SYT1: variants seen among roughly 807,000 people sequenced by gnomAD.
SYT1 encodes synaptotagmin 1, also known as synaptotagmin-1.
Under a neutral mutation model 44.8 loss-of-function variants are expected in SYT1, and 8 were observed. The ratio of observed to expected loss-of-function variants is 0.18; its 90% CI spans 0.10 to 0.32. The LOEUF is 0.32. Among genes scored for constraint, SYT1 ranks in the 10% least tolerant of loss-of-function variants. The pLI is 1.00. For synonymous variants in SYT1, 154 were observed against 188.8 expected, an observed-to-expected ratio of 0.82 and a Z score of 1.51; for missense variants, 286 against 509.3, an observed-to-expected ratio of 0.56 and a Z score of 4.22.
At chr12:79,071,753 T>C (rs61929020) in intron 3 of SYT1, among the ~76,000 whole-genome samples, 3,293 of 152,272 alleles carry the variant, frequency 0.022, 54 homozygotes, top group South Asian at 0.045. Context: ...CATGGCTGTC[T>C]TCCCTCATTG....
chr12:78,949,642 A>C (rs1487723597), intron 1 of SYT1, among the ~76,000 whole-genome samples: 1 of 152,002 alleles, frequency 6.6e-6, no homozygotes, highest in East Asian at 1.9e-4. Context: ...GCAGACATAA[A>C]ACTTCCCCTA....
At chr12:79,320,624 A>AATTTATCT (rs1456420727) in intron 8 of SYT1, among the ~76,000 whole-genome samples, 2 of 148,302 alleles carry the variant, frequency 1.3e-5, no homozygotes, top group East Asian at 3.9e-4. Flanking sequence ...TCTCTCGGGT[A>AATTTATCT]ATTTATCTTT....
rs1879732518 is a variant in SYT1, at chr12:79,293,414, A to AAT, written c.474+1285_474+1286insTA. On this transcript the variant is annotated intron_variant, in intron 6 of 10. Coordinates refer to ENST00000261205, the MANE Select transcript of SYT1 (RefSeq NM_005639.3). ...ATAAAATAAAATAAAATAAAATTAA[A>AAT]AAATCTGTAAGACATAGCCCTTCTC... is the stretch of plus-strand genomic sequence containing the variant. Among the ~76,000 whole-genome samples, 3 of 149,288 alleles carry AAT rather than the reference A, an allele frequency of 2.0e-5. 1 individual carries two copies. Among genetic ancestry groups the AAT allele is most frequent in the African/African-American group, 7.4e-5 (3 of 40,734 alleles).
intron 3 of SYT1, among the ~76,000 whole-genome samples, chr12:79,065,985 A>G (rs1875819122): frequency 6.6e-6 from 1 of 152,186 alleles, no homozygotes; most frequent in South Asian, 2.1e-4. Flanking sequence ...AAGATGGGAA[A>G]AAGATATAAA....
chr12:79,415,197 C>T (rs1435284711), intron 9 of SYT1, among the ~76,000 whole-genome samples: 1 of 152,122 alleles, frequency 6.6e-6, no homozygotes, highest in Non-Finnish European at 1.5e-5. Flanking sequence ...CTCCCCTGCC[C>T]TACCCAGTCC....
intron 1 of SYT1, among the ~76,000 whole-genome samples, chr12:78,918,933 T>A (rs1372162281): frequency 6.6e-6 from 1 of 152,096 alleles, no homozygotes; most frequent in African/African-American, 2.4e-5. Context: ...ACCTCATTTT[T>A]AAATTCTTAA....
At chr12:79,394,709 C>T (rs1427812637) in intron 9 of SYT1, among the ~76,000 whole-genome samples, 7 of 151,936 alleles carry the variant, frequency 4.6e-5, no homozygotes, top group African/African-American at 1.2e-4. Context: ...AATATAATAC[C>T]TAACTAGAAT....
At chr12:79,164,802 AGAAATGGCAAATGAACAAAGG>A (rs1871143171) in intron 3 of SYT1, among the ~76,000 whole-genome samples, 1 of 152,088 alleles carries the variant, frequency 6.6e-6, no homozygotes, top group Non-Finnish European at 1.5e-5. Context: ...TTAATAAATA[AGAAATGGCAAATGAACAAAGG>A]GAAATGGTGA....
intron 2 of SYT1, among the ~76,000 whole-genome samples, chr12:79,000,288 CTTTT>C (rs559894598): frequency 1.8e-5 from 2 of 112,922 alleles, no homozygotes; most frequent in Non-Finnish European, 3.6e-5. Flanking sequence ...TTAACTGCTT[CTTTT>C]TTTTTTTTTT....
At chr12:78,881,841 G>T (rs1874473861) in intron 1 of SYT1, among the ~76,000 whole-genome samples, 1 of 151,610 alleles carries the variant, frequency 6.6e-6, no homozygotes, top group Non-Finnish European at 1.5e-5. Flanking sequence ...GCTCATCTTT[G>T]ACAAGAGAAA....
chr12:79,376,695 G>T (rs995320471), intron 9 of SYT1, among the ~76,000 whole-genome samples: 2 of 152,094 alleles, frequency 1.3e-5, no homozygotes, highest in African/African-American at 4.8e-5. Context: ...ACATAAATGG[G>T]CAATTTTCTA....
At chr12:79,104,190 G>C (rs1211019493) in intron 3 of SYT1, among the ~76,000 whole-genome samples, 1 of 150,622 alleles carries the variant, frequency 6.6e-6, no homozygotes. Context: ...TACTCTATCA[G>C]ACAACACTCA....
chr12:79,132,800 A>G (rs1301173300), intron 3 of SYT1, among the ~76,000 whole-genome samples: 3 of 152,068 alleles, frequency 2.0e-5, no homozygotes, highest in African/African-American at 7.2e-5. Flanking sequence ...CTGGATTCCC[A>G]TATTTATTGC....
chr12:79,070,680 T>G (rs1876208514), intron 3 of SYT1, among the ~76,000 whole-genome samples: 2 of 152,056 alleles, frequency 1.3e-5, no homozygotes, highest in African/African-American at 4.8e-5. Context: ...CTGGGTACAC[T>G]TGAACATAAA....
At chr12:79,199,778 G>A (rs1293585505) in intron 3 of SYT1, among the ~76,000 whole-genome samples, 1 of 152,030 alleles carries the variant, frequency 6.6e-6, no homozygotes, top group Admixed American at 6.6e-5. Context: ...GGTAGGGATT[G>A]AGACATTGTG....
At chr12:79,237,278 GA>G (rs1876247114) in intron 4 of SYT1, among the ~76,000 whole-genome samples, 1 of 152,196 alleles carries the variant, frequency 6.6e-6, no homozygotes, top group Admixed American at 6.5e-5. Flanking sequence ...GACAATACGA[GA>G]AAGAGTTGGG....
intron 4 of SYT1, among the ~76,000 whole-genome samples, chr12:79,246,435 G>A (rs544930400): frequency 1.1e-4 from 16 of 151,788 alleles, no homozygotes; most frequent in East Asian, 1.9e-4. Flanking sequence ...CATTCCTGCC[G>A]CTATAACAAA....
intron 1 of SYT1, among the ~76,000 whole-genome samples, chr12:78,902,706 T>C (rs1875731306): frequency 6.6e-6 from 1 of 152,122 alleles, no homozygotes; most frequent in South Asian, 2.1e-4. Flanking sequence ...ATAAGAAATT[T>C]AAGTTTATTT....
chr12:79,202,801 G>A (rs894576153), intron 3 of SYT1, among the ~76,000 whole-genome samples: 5 of 152,100 alleles, frequency 3.3e-5, no homozygotes, highest in Admixed American at 6.6e-5. Context: ...TTACCTAAAC[G>A]TTTCAAATCT....
Sources: gnomAD v4.1 joint callset for allele counts (sites outside exome capture counted in the v4.1 genomes callset) on GRCh38, gnomAD v4.1.1 for gene constraint, MANE v1.5 for transcripts, NCBI Gene and HGNC (gene_info 2026-07-23, HGNC 2026-07-21) for gene names.